Variants in PEX5 observed in about 807,000 individuals in gnomAD.
PEX5 encodes peroxisomal biogenesis factor 5.
PEX5 carries 52 observed loss-of-function variants against 82.9 expected under a neutral mutation model. The observed-to-expected ratio is 0.63, with a 90% CI of 0.50 to 0.79. The LOEUF is 0.79. PEX5 is among the 30% of genes least tolerant of loss of function. PEX5 has a pLI of 0.00. For synonymous variants in PEX5, 300 were observed against 318.8 expected, an observed-to-expected ratio of 0.94 and a Z score of 0.63; for missense variants, 719 against 815.2, an observed-to-expected ratio of 0.88 and a Z score of 1.44.
chr12:7,196,011 T>C (rs1941993067), intron 5 of PEX5, among the ~76,000 whole-genome samples: 1 of 74,482 alleles, frequency 1.3e-5, no homozygotes, highest in Non-Finnish European at 2.6e-5. Context: ...ACCATATTTC[T>C]TATTACATTA....
At chr12:7,190,107 C>G (rs1940700760) in intron 1 of PEX5, 1 of 1,486,104 alleles carries the variant, frequency 6.7e-7, no homozygotes, top group Non-Finnish European at 8.9e-7. Context: ...TGGCCCCCAG[C>G]CCATGGGACC....
At chr12:7,204,258 G>C (rs781378062) in intron 10 of PEX5, among the ~76,000 whole-genome samples, 1 of 152,146 alleles carries the variant, frequency 6.6e-6, no homozygotes, top group Non-Finnish European at 1.5e-5. Flanking sequence ...TTGAAAAAAG[G>C]CAAAACAGGA....
intron 7 of PEX5, 71 bp downstream of exon 7, chr12:7,201,912 C>A (rs1944111926): frequency 1.8e-6 from 2 of 1,113,436 alleles, no homozygotes; most frequent in African/African-American, 1.5e-5. Flanking sequence ...GCTTTTCTTA[C>A]CCCAGTTTAG....
chr12:7,207,797 AT>A lies in PEX5; in HGVS notation c.1106del (p.Met369ArgfsTer19). On this transcript the variant is annotated frameshift_variant, in exon 11 of 16. Transcript: ENST00000675855. LOFTEE classifies it high-confidence loss of function. ...EAAVQQDPKH[M>X]EAWQYLGTTQ... is the part of the protein sequence containing the mutation. Reference sequence around the variant, plus strand: ...AGCTGTGCAGCAGGATCCTAAGCACATGGAAGTGAGTGACTCCATAGTCTCA... The same window carrying A: ...AGCTGTGCAGCAGGATCCTAAGCACAGGAAGTGAGTGACTCCATAGTCTCA... The A allele has an allele frequency of 1.2e-6, 2 of 1,614,124 alleles. No individual in the cohort carries two copies. Among genetic ancestry groups the A allele is most frequent in the Non-Finnish European group, 1.7e-6 (2 of 1,179,998 alleles).
chr12:7,217,549 A>G (rs1256685390), intron 17 of PEX5, among the ~76,000 whole-genome samples: 3 of 152,250 alleles, frequency 2.0e-5, no homozygotes, highest in Non-Finnish European at 4.4e-5. Context: ...AAAGCCTCTC[A>G]AAAGCAAGTC....
At chr12:7,206,800 T>TG (rs1944862026) in intron 10 of PEX5, among the ~76,000 whole-genome samples, 1 of 152,222 alleles carries the variant, frequency 6.6e-6, no homozygotes, top group Non-Finnish European at 1.5e-5. Context: ...GACCTCCACC[T>TG]GTTGTTTTGC....
chr12:7,191,137 C>CT, intron 3 of PEX5, 89 bp from the exon 4 acceptor site: 1 of 1,462,812 alleles, frequency 6.8e-7, no homozygotes, highest in South Asian at 1.1e-5. Flanking sequence ...TTCCTTGTAT[C>CT]TAACATTGGG....
At chr12:7,207,327 G>A (rs183881246) in intron 10 of PEX5, among the ~76,000 whole-genome samples, 1 of 152,158 alleles carries the variant, frequency 6.6e-6, no homozygotes, top group Non-Finnish European at 1.5e-5. Context: ...AGCAGATCCT[G>A]TTGAGACATT....
Position 7,190,712 on chromosome 12 carries a change from A to G in PEX5, c.148-176A>G, listed in dbSNP as rs1591643858. Reference sequence around the variant, plus strand: ...TAACTGCTTTCTCTATTGTGTTGCAAATCATAGTAGTTACCACTTACTGAG... The same window carrying G: ...TAACTGCTTTCTCTATTGTGTTGCAGATCATAGTAGTTACCACTTACTGAG... On this transcript the variant is annotated intron_variant, in intron 2 of 15. Coordinates refer to ENST00000675855, the MANE Select transcript of PEX5 (RefSeq NM_001351132.2). 4 of 1,398,468 alleles carry G rather than the reference A, an allele frequency of 2.9e-6. No individual in the cohort carries two copies. The East Asian group carries it at 9.3e-5, about 32-fold the overall frequency. 86.6% of individuals were successfully genotyped at this position (1,398,468 alleles called of 1,614,324 possible). A position where few individuals can be genotyped will look rare whatever the true frequency, so the allele number is the denominator to read the frequency against.
In PEX5 at chr12:7,208,006, C is replaced by G. The variant is rs376699778; in HGVS notation, c.1111-4C>G. On this transcript the variant is annotated splice_region_variant and splice_polypyrimidine_tract_variant and intron_variant, in intron 11 of 15. Coordinates refer to ENST00000675855, the MANE Select transcript of PEX5 (RefSeq NM_001351132.2). ...GGTGATGGAATCTGTCAACTTCCCTCTAGGCTTGGCAGTATCTGGGTACCA... is the reference window on the plus strand; with the variant it reads ...GGTGATGGAATCTGTCAACTTCCCTGTAGGCTTGGCAGTATCTGGGTACCA... 3.1e-5 allele frequency: 50 copies of G among 1,612,684 alleles called. No homozygotes were observed. The Middle Eastern group carries it at 2.1e-3, about 69-fold the overall frequency.
At position 7,201,822 on chromosome 12, in the gene PEX5, C is replaced by A; in HGVS notation, c.623C>A (p.Pro208His). 1 of 1,613,300 alleles carries A rather than the reference C, an allele frequency of 6.2e-7. No homozygotes were observed. Among genetic ancestry groups the A allele is most frequent in the South Asian group, 1.1e-5 (1 of 91,050 alleles). Reference sequence around the variant, plus strand: ...GACTTTGTGGCCAAAGTGGATGACCCCAAATTGGCTAATTCTGAGGTGAGC... The same window carrying A: ...GACTTTGTGGCCAAAGTGGATGACCACAAATTGGCTAATTCTGAGGTGAGC... The part of the protein sequence containing the change: ...ASDFVAKVDD[P>H]KLANSEFLKF... The change falls in exon 7 of 16, where the codon CCC becomes CAC. Residue 208 changes from proline (P) to histidine (H), a missense_variant. Transcript: ENST00000675855.
intron 10 of PEX5, among the ~76,000 whole-genome samples, chr12:7,204,588 A>G (rs1591772716): frequency 6.6e-6 from 1 of 152,356 alleles, no homozygotes; most frequent in East Asian, 1.9e-4. Context: ...AGTTCATTGT[A>G]TATAATTTTG....
rs1207423000 is a variant in PEX5, at chr12:7,210,015, C to T, written c.1719-7C>T. On this transcript the variant is annotated splice_region_variant and splice_polypyrimidine_tract_variant and intron_variant, in intron 15 of 15. Transcript: ENST00000675855. ...TTAACAGCTCTCATTCCTCTTCTTC[C>T]TTACAGGGAGGCTGTGGAGCACTTT... 2 of 1,613,950 alleles carry T rather than the reference C, an allele frequency of 1.2e-6. No individual in the cohort carries two copies. The highest frequency in any genetic ancestry group is 2.7e-5 in the African/African-American group (2 of 74,916).
At chr12:7,194,364 C>G (rs1303560820) in intron 5 of PEX5, among the ~76,000 whole-genome samples, 2 of 152,138 alleles carry the variant, frequency 1.3e-5, no homozygotes, top group Non-Finnish European at 1.5e-5. Flanking sequence ...CACCCAGTCT[C>G]CTCCAGTGGT....
intron 5 of PEX5, among the ~76,000 whole-genome samples, chr12:7,194,000 T>C (rs925274987): frequency 6.6e-6 from 1 of 152,220 alleles, no homozygotes; most frequent in Non-Finnish European, 1.5e-5. Flanking sequence ...GCTTTGCATG[T>C]AGTAGGCCTC....
At chr12:7,206,251 G>GA (rs1944757581) in intron 10 of PEX5, among the ~76,000 whole-genome samples, 1 of 152,202 alleles carries the variant, frequency 6.6e-6, no homozygotes, top group Non-Finnish European at 1.5e-5. Flanking sequence ...AATGGTTGGA[G>GA]AAAATCAAAA....
chr12:7,192,119 A>G (rs932253577), intron 5 of PEX5, among the ~76,000 whole-genome samples: 3 of 152,240 alleles, frequency 2.0e-5, no homozygotes, highest in Admixed American at 2.0e-4. Context: ...GTATGGCTTT[A>G]GAAGGTAAAG....
At chr12:7,202,446 G>T in intron 8 of PEX5, 95 bp downstream of exon 8, 2 of 1,514,862 alleles carry the variant, frequency 1.3e-6, no homozygotes, top group South Asian at 2.3e-5. Context: ...GGAAGGATAA[G>T]ACCAGCTTGT....
At chr12:7,216,408 CAA>C (rs1945781075), downstream of PEX5, among the ~76,000 whole-genome samples, 1 of 152,046 alleles carries the variant, frequency 6.6e-6, no homozygotes, top group African/African-American at 2.4e-5. Flanking sequence ...AAGGAAAATC[CAA>C]ACTCTTGCAT....
Sources: allele counts gnomAD v4.1 joint callset (sites outside exome capture counted in the v4.1 genomes callset), GRCh38; gene constraint gnomAD v4.1.1; transcripts MANE v1.5; gene names NCBI Gene and HGNC (gene_info 2026-07-23, HGNC 2026-07-21).